The following ZNF585A variants were observed in gnomAD, a reference collection of about 807,000 sequenced individuals.
ZNF585A encodes the protein zinc finger protein 585A.
A neutral mutation model predicts 14.9 loss-of-function variants in ZNF585A; 9 were observed. That is an observed-to-expected ratio of 0.60 (90% CI 0.36 to 1.05). The LOEUF (loss-of-function observed/expected upper bound fraction) is 1.05, where lower values mean the gene tolerates loss of function less well. Among genes scored for constraint, ZNF585A ranks in the 50% least tolerant of loss-of-function variants. The pLI, the probability that ZNF585A is intolerant of heterozygous loss-of-function variation, is 0.01. For synonymous variants in ZNF585A, 276 were observed against 319.9 expected (o/e 0.86, Z 1.46); for missense variants, 726 against 926.4 (o/e 0.78, Z 2.81).
rs1350640940 is a variant in ZNF585A at position 37,152,725 on chromosome 19, T to G, written c.1174A>C (p.Thr392Pro). ...YECSDCGKAF[T>P]QKSALTVHQR... ...TGCACTGTGAGTGCTGACTTCTGAG[T>G]GAAGGCTTTCCCACAGTCACTGCAT... The change falls in exon 5 of 5, where the codon ACT becomes CCT. Residue 392 changes from threonine (T) to proline (P), a missense_variant. Transcript: ENST00000292841. The G allele has an allele frequency of 1.9e-6, 3 of 1,614,122 alleles. No homozygotes were observed. Among genetic ancestry groups the G allele is most frequent in the East Asian group, 4.5e-5 (2 of 44,896 alleles).
intron 1 of ZNF585A, chr19:37,172,253 A>C (rs1379110763): frequency 6.6e-6 from 1 of 152,236 alleles, no homozygotes; most frequent in African/African-American, 2.4e-5. Flanking sequence ...AGAAAAAACC[A>C]CTTAGATTTG....
At position 37,153,805 on chromosome 19, in the gene ZNF585A, T is replaced by C. The variant is rs572576464; in HGVS notation, c.293-199A>G. On this transcript the variant is annotated intron_variant, in intron 4 of 4. Coordinates refer to ENST00000292841, the MANE Select transcript of ZNF585A (RefSeq NM_001288800.2). ...GTTCACATGAATTATTTTTCTACTATCCTTATAGTCATATTGCCTCTTTGT... is the reference window on the plus strand; with the variant it reads ...GTTCACATGAATTATTTTTCTACTACCCTTATAGTCATATTGCCTCTTTGT... 1.8e-4 allele frequency among the ~76,000 whole-genome samples: 27 copies of C among 152,346 alleles called. 1 individual carries two copies. The South Asian group carries it at 4.8e-3, about 27-fold the overall frequency.
Position 37,152,436 on chromosome 19 carries a change from T to C in ZNF585A, c.1463A>G (p.His488Arg). The C allele has an allele frequency of 1.2e-6, 2 of 1,614,026 alleles. No homozygotes were observed. Among genetic ancestry groups the C allele is most frequent in the Non-Finnish European group, 1.7e-6 (2 of 1,179,954 alleles). The change falls in exon 5 of 5, where the codon CAT (histidine) becomes CGT (arginine). Residue 488 changes from histidine (H) to arginine (R), a missense_variant. Around this residue, in one of 2 missense-constraint regions of ZNF585A, gnomAD observed 243 missense variants for 383.6 expected, o/e 0.63. Transcript: ENST00000292841. Reference protein sequence around the residue: ...RSNLITHQKTHTGEKSYICSK... With the variant: ...RSNLITHQKTRTGEKSYICSK... ...ACATATATAAGATTTCTCTCCTGTATGAGTTTTCTGATGTGTAATGAGATT... is the reference window on the plus strand; with the variant it reads ...ACATATATAAGATTTCTCTCCTGTACGAGTTTTCTGATGTGTAATGAGATT...
intron 2 of ZNF585A, among the ~76,000 whole-genome samples, chr19:37,157,982 G>A (rs1051641057): frequency 6.6e-6 from 1 of 150,806 alleles, no homozygotes; most frequent in African/African-American, 2.4e-5. Flanking sequence ...TCCACCTCCC[G>A]GATTCAAGCC....
In ZNF585A at chr19:37,151,140, T is replaced by C. The variant is rs1337547592; in HGVS notation, c.*449A>G. 1 of 390,012 alleles carries C rather than the reference T, an allele frequency of 2.6e-6. No individual in the cohort carries two copies. Among genetic ancestry groups the C allele is most frequent in the Non-Finnish European group, 4.5e-6 (1 of 220,724 alleles). The allele number at this position is 390,012 out of a possible 1,614,324, so 24.2% of individuals were successfully genotyped here. On this transcript the variant is annotated 3_prime_UTR_variant, in exon 5 of 5. Transcript: ENST00000292841. Reference sequence around the variant, plus strand: ...AAACACCCAGGAGTCTGTTACACAATGTGTTCCACAACGAACAACTCACAT... The same window carrying C: ...AAACACCCAGGAGTCTGTTACACAACGTGTTCCACAACGAACAACTCACAT...
intron 4 of ZNF585A, 145 bp from the exon 5 acceptor site, chr19:37,153,751 G>T: frequency 1.4e-6 from 1 of 692,770 alleles, no homozygotes; most frequent in Non-Finnish European, 2.3e-6. Flanking sequence ...ATATTGATGG[G>T]GTCTTTTGGG....
Position 37,168,938 on chromosome 19 carries a change from G to A in ZNF585A, c.72+901C>T, listed in dbSNP as rs142458967. ...GCAATCAAAGAAAAAGAATAAAATC[G>A]GTCCTGTATGTTGAGAAACATGGGG... On this transcript the variant is annotated intron_variant, in intron 2 of 4. Coordinates refer to ENST00000292841, the MANE Select transcript of ZNF585A (RefSeq NM_001288800.2). Among the ~76,000 whole-genome samples, 272 of 152,220 alleles carry A rather than the reference G, an allele frequency of 1.8e-3. 4 individuals are homozygous for A. The highest frequency in any genetic ancestry group is 6.4e-3 in the African/African-American group (265 of 41,528).
Position 37,151,338 on chromosome 19 carries a change from C to T in ZNF585A, c.*251G>A, listed in dbSNP as rs1599745345. On this transcript the variant is annotated 3_prime_UTR_variant, in exon 5 of 5. Coordinates refer to ENST00000292841, the MANE Select transcript of ZNF585A (RefSeq NM_001288800.2). ...TGTAGTTTTCATGAGAAGGCTTTTC[C>T]TATTCACCAAATTGACTCGGTTCCT... 3 of 461,964 alleles carry T rather than the reference C, an allele frequency of 6.5e-6. No homozygotes were observed. In the East Asian group the frequency reaches 9.3e-5, roughly 14 times the overall value. The allele number at this position is 461,964 out of a possible 1,614,324, so 28.6% of individuals were successfully genotyped here. A position where few individuals can be genotyped will look rare whatever the true frequency, so the allele number is the denominator to read the frequency against.
At chr19:37,168,154 C>T (rs1972126272) in intron 2 of ZNF585A, among the ~76,000 whole-genome samples, 2 of 152,130 alleles carry the variant, frequency 1.3e-5, no homozygotes, top group African/African-American at 4.8e-5. Context: ...TAAGTATGAA[C>T]CATCCTCTTC....
At chr19:37,166,680 T>G (rs2145414951) in intron 2 of ZNF585A, among the ~76,000 whole-genome samples, 1 of 145,844 alleles carries the variant, frequency 6.9e-6, no homozygotes, top group East Asian at 1.9e-4. Flanking sequence ...TGTCAACACA[T>G]TTTTTGATTG....
chr19:37,158,656 T>A (rs7260386), intron 2 of ZNF585A, among the ~76,000 whole-genome samples: 60,359 of 152,018 alleles, frequency 0.4, 12,651 homozygotes, highest in African/African-American at 0.53. Context: ...ATAGAGACTT[T>A]AGAGCCATAC....
At chr19:37,156,595 T>G (rs1250933833) in intron 2 of ZNF585A, among the ~76,000 whole-genome samples, 1 of 152,234 alleles carries the variant, frequency 6.6e-6, no homozygotes, top group Non-Finnish European at 1.5e-5. Flanking sequence ...CTTTACTTGC[T>G]TTATCATACA....
At position 37,170,019 on chromosome 19, in the gene ZNF585A, A is replaced by C. The variant is rs1191973144; in HGVS notation, c.-109T>G. Reference sequence around the variant, plus strand: ...GAGATGGGCTGGAGTCTAGAGGAAAATCTGGCCCAGGGGCTCCCCAGAGAC... The same window carrying C: ...GAGATGGGCTGGAGTCTAGAGGAAACTCTGGCCCAGGGGCTCCCCAGAGAC... On this transcript the variant is annotated 5_prime_UTR_variant, in exon 2 of 5. Coordinates refer to ENST00000292841, the MANE Select transcript of ZNF585A (RefSeq NM_001288800.2). 7.1e-7 allele frequency: 1 copy of C among 1,400,004 alleles called. No homozygotes were observed. The highest frequency in any genetic ancestry group is 2.1e-5 in the Admixed American group (1 of 47,052). The allele number at this position is 1,400,004 out of a possible 1,614,324, so 86.7% of individuals were successfully genotyped here.
chr19:37,154,501 C>G (rs996823290), intron 4 of ZNF585A, among the ~76,000 whole-genome samples: 5 of 152,008 alleles, frequency 3.3e-5, no homozygotes, highest in African/African-American at 1.2e-4. Flanking sequence ...TGATTAAACT[C>G]AAACCTCATC....
At chr19:37,154,564 G>A (rs1161765067) in intron 4 of ZNF585A, among the ~76,000 whole-genome samples, 2 of 151,980 alleles carry the variant, frequency 1.3e-5, no homozygotes, top group Non-Finnish European at 2.9e-5. Flanking sequence ...ACGAACCCTG[G>A]TCAATGTGGA....
chr19:37,155,178 T>C (rs1049635015), intron 4 of ZNF585A, among the ~76,000 whole-genome samples: 1 of 151,820 alleles, frequency 6.6e-6, no homozygotes, highest in Non-Finnish European at 1.5e-5. Flanking sequence ...TTTTTTGTAT[T>C]TTTAGGAGAG....
chr19:37,156,401 G>A, intron 2 of ZNF585A, 46 bp from the exon 3 acceptor site: 1 of 1,603,730 alleles, frequency 6.2e-7, no homozygotes, highest in African/African-American at 1.3e-5. Context: ...AGCTTAGAGG[G>A]TTGGAGAGAC....
At chr19:37,166,857 A>G (rs1337172887) in intron 2 of ZNF585A, among the ~76,000 whole-genome samples, 1 of 152,042 alleles carries the variant, frequency 6.6e-6, no homozygotes, top group Non-Finnish European at 1.5e-5. Context: ...TTTATGAGAC[A>G]GGGTCTCACT....
intron 4 of ZNF585A, among the ~76,000 whole-genome samples, chr19:37,154,272 A>G (rs553869569): frequency 4.1e-4 from 63 of 152,336 alleles, no homozygotes; most frequent in Middle Eastern, 6.8e-3. Flanking sequence ...AAAAAACACT[A>G]TATATACCAC....
Sources: gnomAD v4.1 joint callset for allele counts (sites outside exome capture counted in the v4.1 genomes callset) on GRCh38, gnomAD v4.1.1 for gene constraint, gnomAD v4.1.1 regional missense constraint, MANE v1.5 for transcripts, NCBI Gene and HGNC (gene_info 2026-07-23, HGNC 2026-07-21) for gene names.